The following CYP24A1 variants were observed in gnomAD, a reference collection of about 807,000 sequenced individuals.
CYP24A1 encodes 1,25-dihydroxyvitamin D(3) 24-hydroxylase, mitochondrial.
Under a neutral mutation model 62.4 loss-of-function variants are expected in CYP24A1, and 68 were observed. The ratio of observed to expected loss-of-function variants is 1.09; its 90% CI spans 0.90 to 1.33. The LOEUF (loss-of-function observed/expected upper bound fraction) is 1.33, where lower values mean the gene tolerates loss of function less well. CYP24A1 is among the 40% of genes most tolerant of loss of function. The probability of loss-of-function intolerance (pLI) is 0.00; values close to 1 mark genes in which losing one functional copy is unlikely to be tolerated. For missense variants in CYP24A1, 787 were observed against 653.0 expected, an observed-to-expected ratio of 1.21 and a Z score of -2.24; for synonymous variants, 267 against 253.0, an observed-to-expected ratio of 1.06 and a Z score of -0.52.
downstream of CYP24A1, among the ~76,000 whole-genome samples, chr20:54,150,293 T>TA (rs1470843159): frequency 6.6e-6 from 1 of 152,234 alleles, no homozygotes. Context: ...GTGAGTTCCA[T>TA]ACCCCTTAAA....
intron 6 of CYP24A1, among the ~76,000 whole-genome samples, chr20:54,163,444 T>C (rs1210812864): frequency 6.6e-6 from 1 of 152,236 alleles, no homozygotes; most frequent in Non-Finnish European, 1.5e-5. Context: ...ACCAGGCTCA[T>C]TATATGGTAA....
In CYP24A1 at chr20:54,154,157, A is replaced by G. The variant is rs1417831066; in HGVS notation, c.*615T>C. The stretch of plus-strand genomic sequence containing the variant: ...CTTCATCTTTACCCTAATGCCATAA[A>G]GGAATCACATTTAAAAAATAAACAA... On this transcript the variant is annotated 3_prime_UTR_variant, in exon 12 of 12. Coordinates refer to ENST00000216862, the MANE Select transcript of CYP24A1 (RefSeq NM_000782.5). 6.6e-6 allele frequency: 1 copy of G among 152,218 alleles called. No homozygotes were observed. Among genetic ancestry groups the G allele is most frequent in the Non-Finnish European group, 1.5e-5 (1 of 68,038 alleles). The allele number at this position is 152,218 out of a possible 1,614,324, so 9.4% of individuals were successfully genotyped here. A position where few individuals can be genotyped will look rare whatever the true frequency, so the allele number is the denominator to read the frequency against.
intron 4 of CYP24A1, among the ~76,000 whole-genome samples, chr20:54,167,337 A>G (rs139717286): frequency 3.9e-5 from 6 of 152,280 alleles, no homozygotes; most frequent in Admixed American, 3.9e-4. Context: ...TGGTACATGA[A>G]CTTTAAAAAT....
intron 2 of CYP24A1, 88 bp from the exon 3 acceptor site, chr20:54,171,758 T>A (rs1053001097): frequency 8.1e-6 from 13 of 1,610,462 alleles, no homozygotes; most frequent in Non-Finnish European, 1.1e-5. Flanking sequence ...TCAGGAACCA[T>A]AAAATCAAAC....
At chr20:54,161,812 C>A (rs1030872456) in intron 7 of CYP24A1, among the ~76,000 whole-genome samples, 10 of 152,308 alleles carry the variant, frequency 6.6e-5, no homozygotes, top group African/African-American at 2.2e-4. Context: ...GAAATGAGAA[C>A]CTCGCTATCT....
chr20:54,168,857 TCCTTCCTTCCTTC>T (rs2092683323), intron 4 of CYP24A1, among the ~76,000 whole-genome samples: 2 of 38,122 alleles, frequency 5.2e-5, no homozygotes, highest in African/African-American at 1.1e-4. Context: ...CTTCCTTCCT[TCCTTCCTTCCTTC>T]CTTCCTTCCT....
At position 54,173,904 on chromosome 20, in the gene CYP24A1, G is replaced by A. The variant is rs2092704511; in HGVS notation, c.-325C>T. The A allele has an allele frequency of 1.8e-5, 8 of 441,390 alleles. No individual in the cohort carries two copies. In the South Asian group the frequency reaches 2.0e-4, roughly 11 times the overall value. 27.3% of individuals were successfully genotyped at this position (441,390 alleles called of 1,614,324 possible). ...TGTTGGTCCGCAAGGCTGACCTCTA[G>A]GGTCTGGCTGGAGCCACGGGGAGGT... On this transcript the variant is annotated 5_prime_UTR_variant, in exon 1 of 12. Coordinates refer to ENST00000216862, the MANE Select transcript of CYP24A1 (RefSeq NM_000782.5). The surrounding 1 kb of genome is among the most constrained non-coding windows in gnomAD (Gnocchi z 7.2).
chr20:54,158,120 G>C lies in CYP24A1; in HGVS notation c.1202C>G (p.Ala401Gly). 6.2e-7 allele frequency: 1 copy of C among 1,613,982 alleles called. No homozygotes were observed. Among genetic ancestry groups the C allele is most frequent in the Non-Finnish European group, 8.5e-7 (1 of 1,180,006 alleles). The change falls in exon 9 of 12, where the codon GCA becomes GGA. Residue 401 changes from alanine (A) to glycine (G), a missense_variant. By Grantham distance (60) the Ala-to-Gly change is moderately conservative (BLOSUM62 0). Coordinates refer to ENST00000216862, the MANE Select transcript of CYP24A1 (RefSeq NM_000782.5). The stretch of plus-strand genomic sequence containing the variant: ...TAAAGCATATTCACCCAGAACTGTT[G>C]CCTTGTCAAGAGTCCGAGTTGTAAA... ...VPFTTRTLDK[A>G]TVLGEYALPK...
chr20:54,166,820 C>T (rs1431356069), intron 4 of CYP24A1, among the ~76,000 whole-genome samples: 3 of 151,934 alleles, frequency 2.0e-5, no homozygotes, highest in Non-Finnish European at 4.4e-5. Context: ...CTGCTTGAGC[C>T]CAGGAGTTCG....
In CYP24A1 at chr20:54,173,580, G is replaced by A. The variant is rs748317423; in HGVS notation, c.-1C>T. 7 of 1,572,982 alleles carry A rather than the reference G, an allele frequency of 4.5e-6. No homozygotes were observed. The highest frequency in any genetic ancestry group is 1.7e-5 in the Admixed American group (1 of 57,254). The stretch of plus-strand genomic sequence containing the variant: ...GGCTCTTGCTGATGGGGGAGCTCAT[G>A]GCAGCGGGGGACACCGGAGCGCGGG... On this transcript the variant is annotated 5_prime_UTR_variant, in exon 1 of 12. Transcript: ENST00000216862. The surrounding 1 kb of genome is among the most constrained non-coding windows in gnomAD (Gnocchi z 7.2).
chr20:54,172,767 C>T, intron 2 of CYP24A1, 142 bp downstream of exon 2: 1 of 1,524,658 alleles, frequency 6.6e-7, no homozygotes, highest in Non-Finnish European at 8.8e-7. Context: ...GTTGCGATGG[C>T]ACGGGAGAGG....
In CYP24A1 at chr20:54,153,900, G is replaced by A. The variant is rs11907350; in HGVS notation, c.*872C>T. 10,156 of 152,480 alleles carry A rather than the reference G, an allele frequency of 0.067. 705 individuals carry two copies. The highest frequency in any genetic ancestry group is 0.17 in the African/African-American group (7,110 of 41,488). The allele number at this position is 152,480 out of a possible 1,614,324, so 9.4% of individuals were successfully genotyped here. A position where few individuals can be genotyped will look rare whatever the true frequency, so the allele number is the denominator to read the frequency against. ...TTAATAGACAGAAAAATTATGGCAT[G>A]GGAAATCATTTTATAATATTAAAGT... On this transcript the variant is annotated 3_prime_UTR_variant, in exon 12 of 12. Coordinates refer to ENST00000216862, the MANE Select transcript of CYP24A1 (RefSeq NM_000782.5).
chr20:54,150,842 A>C (rs1052554871), downstream of CYP24A1, among the ~76,000 whole-genome samples: 3 of 152,176 alleles, frequency 2.0e-5, no homozygotes, highest in East Asian at 5.8e-4. Context: ...ATGGTGTCCA[A>C]ATTCTTATTT....
chr20:54,171,940 A>G, intron 2 of CYP24A1: 1 of 701,260 alleles, frequency 1.4e-6, no homozygotes, highest in Non-Finnish European at 2.1e-6. Context: ...GGGTTCAGGG[A>G]TTTTGAGGTG....
chr20:54,169,557 C>T, intron 4 of CYP24A1, 35 bp downstream of exon 4: 1 of 1,613,776 alleles, frequency 6.2e-7, no homozygotes, highest in Non-Finnish European at 8.5e-7. Flanking sequence ...AAATCACCTG[C>T]AAAATCAGTG....
At chr20:54,160,513 A>G (rs929190186) in intron 7 of CYP24A1, among the ~76,000 whole-genome samples, 11 of 152,194 alleles carry the variant, frequency 7.2e-5, no homozygotes, top group African/African-American at 2.7e-4. Flanking sequence ...GATGATGGTT[A>G]TTTTATTATT....
intron 2 of CYP24A1, 100 bp from the exon 3 acceptor site, chr20:54,171,770 A>C: frequency 6.2e-7 from 1 of 1,605,170 alleles, no homozygotes; most frequent in South Asian, 1.1e-5. Context: ...AAATCAAACA[A>C]ACACTGAGAA....
chr20:54,149,074 C>G (rs6022985), downstream of CYP24A1, among the ~76,000 whole-genome samples: 62,335 of 152,142 alleles, frequency 0.41, 14,786 homozygotes, highest in East Asian at 0.73. Flanking sequence ...TGGTTTGCCC[C>G]TGTACCCATG....
the CYP24A1 span, among the ~76,000 whole-genome samples, chr20:54,147,695 A>G: frequency 2.6e-5 from 4 of 152,224 alleles, no homozygotes; most frequent in Admixed American, 6.5e-5. Context: ...TCTCTCAACA[A>G]CTGTATGAAA....
Sources: gnomAD v4.1 joint callset for allele counts (sites outside exome capture counted in the v4.1 genomes callset) on GRCh38, gnomAD v4.1.1 for gene constraint, Gnocchi (gnomAD v3.1) non-coding constraint, MANE v1.5 for transcripts, NCBI Gene and HGNC (gene_info 2026-07-23, HGNC 2026-07-21) for gene names.